RTF1: variants seen among roughly 807,000 people sequenced by gnomAD.
The protein encoded by RTF1 is RNA polymerase-associated protein RTF1 homolog.
In RTF1, 10 loss-of-function variants were observed where a neutral mutation model predicts 95.7. The ratio of observed to expected loss-of-function variants is 0.10; its 90% CI spans 0.06 to 0.18. RTF1 has a LOEUF of 0.18. Ranked by LOEUF, RTF1 falls within the 10% of genes least tolerant of loss-of-function variation. The pLI, the probability that RTF1 is intolerant of heterozygous loss-of-function variation, is 1.00. For missense variants in RTF1, 458 were observed against 875.6 expected, an observed-to-expected ratio of 0.52 and a Z score of 6.02; for synonymous variants, 305 against 311.8, an observed-to-expected ratio of 0.98 and a Z score of 0.23.
intron 1 of RTF1, among the ~76,000 whole-genome samples, chr15:41,418,139 T>A (rs2050581347): frequency 6.6e-6 from 1 of 152,198 alleles, no homozygotes; most frequent in Admixed American, 6.5e-5. Context: ...TTATATACTC[T>A]AGAAAACATT....
Position 41,477,155 on chromosome 15 carries a change from C to T in RTF1, c.1561-10C>T. On this transcript the variant is annotated splice_polypyrimidine_tract_variant and intron_variant, in intron 12 of 17. Coordinates refer to ENST00000389629, the MANE Select transcript of RTF1 (RefSeq NM_015138.5). ...GCCAAGAACGAACTCACACATCTCT[C>T]TATGTGTAGGCCATGGCTGAGGACC... is the stretch of plus-strand genomic sequence containing the variant. 1.2e-6 allele frequency: 2 copies of T among 1,614,152 alleles called. No individual in the cohort carries two copies. Among genetic ancestry groups the T allele is most frequent in the Non-Finnish European group, 1.7e-6 (2 of 1,179,988 alleles).
chr15:41,472,181 C>T, intron 8 of RTF1, among the ~76,000 whole-genome samples: 1 of 146,112 alleles, frequency 6.8e-6, no homozygotes, highest in Non-Finnish European at 1.5e-5. Context: ...AGCCACCGCA[C>T]CTGGCCTATT....
At position 41,440,764 on chromosome 15, in the gene RTF1, G is replaced by C. The variant is rs151331351; in HGVS notation, c.309+2333G>C. The stretch of plus-strand genomic sequence containing the variant: ...TCGGCTTCCCAAAGTGCTGGGATTA[G>C]AGGCGTGAGCCCTGTGCCTGGCCAA... On this transcript the variant is annotated intron_variant, in intron 2 of 17. Coordinates refer to ENST00000389629, the MANE Select transcript of RTF1 (RefSeq NM_015138.5). Among the ~76,000 whole-genome samples, 1,372 of 149,508 alleles carry C rather than the reference G, an allele frequency of 9.2e-3. 10 individuals are homozygous for C. The highest frequency in any genetic ancestry group is 0.014 in the Non-Finnish European group (936 of 67,084).
intron 1 of RTF1, among the ~76,000 whole-genome samples, chr15:41,430,897 G>T (rs915902802): frequency 6.6e-6 from 1 of 151,978 alleles, no homozygotes; most frequent in Non-Finnish European, 1.5e-5. Flanking sequence ...ACTATTGTGG[G>T]TTTTCTTTTC....
intron 1 of RTF1, among the ~76,000 whole-genome samples, chr15:41,421,374 T>TG (rs2140943288): frequency 6.6e-6 from 1 of 152,008 alleles, no homozygotes; most frequent in Non-Finnish European, 1.5e-5. Flanking sequence ...GAGAATCACT[T>TG]GAACCCAGGA....
intron 2 of RTF1, among the ~76,000 whole-genome samples, chr15:41,451,196 G>T (rs2050787996): frequency 6.6e-6 from 1 of 152,044 alleles, no homozygotes; most frequent in African/African-American, 2.4e-5. Flanking sequence ...AAGACTTTGT[G>T]CCTTTGTTGG....
At chr15:41,453,120 G>C (rs1434019794) in intron 3 of RTF1, 72 bp downstream of exon 3, 1 of 1,284,754 alleles carries the variant, frequency 7.8e-7, no homozygotes, top group African/African-American at 1.5e-5. Context: ...AGGCAGAAGT[G>C]GGGAGGAAGG....
rs1326589171 is a variant in RTF1, at chr15:41,481,347, G to A, written c.*660G>A. ...TTAAAATGCAGTACTCTTTGTATCA[G>A]TCTGTCATGGGTCTATAGCTGTTTC... On this transcript the variant is annotated 3_prime_UTR_variant, in exon 18 of 18. Transcript: ENST00000389629. The A allele has an allele frequency of 1.3e-5, 2 of 152,442 alleles. No homozygotes were observed. Among genetic ancestry groups the A allele is most frequent in the Non-Finnish European group, 1.5e-5 (1 of 68,100 alleles). 9.4% of individuals were successfully genotyped at this position (152,442 alleles called of 1,614,324 possible). A position where few individuals can be genotyped will look rare whatever the true frequency, so the allele number is the denominator to read the frequency against.
intron 3 of RTF1, 110 bp from the exon 4 acceptor site, chr15:41,457,562 C>T: frequency 1.1e-6 from 1 of 943,090 alleles, no homozygotes; most frequent in Non-Finnish European, 1.7e-6. Context: ...AAATAACAAA[C>T]TGGTTTCTTA....
intron 8 of RTF1, among the ~76,000 whole-genome samples, chr15:41,473,032 G>A (rs566558801): frequency 6.6e-6 from 1 of 151,998 alleles, no homozygotes; most frequent in Non-Finnish European, 1.5e-5. Context: ...AATTTTTGTA[G>A]CAACAGCCTC....
intron 4 of RTF1, among the ~76,000 whole-genome samples, chr15:41,458,834 G>T (rs2050832078): frequency 6.6e-6 from 1 of 152,012 alleles, no homozygotes; most frequent in Admixed American, 6.6e-5. Context: ...CACTTTGGGA[G>T]GCCAAGGCGG....
chr15:41,436,218 A>AAAGCAGGCG (rs748053587), intron 1 of RTF1, among the ~76,000 whole-genome samples: 2 of 151,232 alleles, frequency 1.3e-5, no homozygotes, highest in Non-Finnish European at 3.0e-5. Flanking sequence ...CTGGGAGGCC[A>AAAGCAGGCG]AAGCAGGCGG....
chr15:41,427,951 T>C (rs2050645082), intron 1 of RTF1, among the ~76,000 whole-genome samples: 1 of 151,896 alleles, frequency 6.6e-6, no homozygotes, highest in Non-Finnish European at 1.5e-5. Flanking sequence ...CACACCTGGC[T>C]AATTTTTGTA....
At chr15:41,447,715 T>C (rs1005523502) in intron 2 of RTF1, among the ~76,000 whole-genome samples, 17 of 152,160 alleles carry the variant, frequency 1.1e-4, no homozygotes, top group African/African-American at 4.1e-4. Context: ...CCCAGATGGT[T>C]TTTGAGCAGT....
rs960298517 is a variant in RTF1 at position 41,480,899 on chromosome 15, C to T, written c.*212C>T. On this transcript the variant is annotated 3_prime_UTR_variant, in exon 18 of 18. Transcript: ENST00000389629. ...ACCAGCCTCCCCTCCCCCAGGGCCC[C>T]ACCCAGTGTGGGCCTGGGCTCTCTT... 1.0e-5 allele frequency: 6 copies of T among 575,442 alleles called. No homozygotes were observed. The highest frequency in any genetic ancestry group is 7.5e-5 in the African/African-American group (4 of 53,416). The allele number at this position is 575,442 out of a possible 1,614,324, so 35.6% of individuals were successfully genotyped here.
At chr15:41,433,225 G>GA (rs1170577582) in intron 1 of RTF1, among the ~76,000 whole-genome samples, 1 of 152,106 alleles carries the variant, frequency 6.6e-6, no homozygotes, top group Non-Finnish European at 1.5e-5. Context: ...TCCAGCCTGG[G>GA]AGACATAGTG....
At chr15:41,421,290 C>G (rs1396187102) in intron 1 of RTF1, among the ~76,000 whole-genome samples, 2 of 151,986 alleles carry the variant, frequency 1.3e-5, no homozygotes, top group Admixed American at 1.3e-4. Context: ...AACCTCGTCT[C>G]TACTAAAAAT....
intron 4 of RTF1, 43 bp from the exon 5 acceptor site, chr15:41,464,728 A>T: frequency 6.8e-7 from 1 of 1,462,280 alleles, no homozygotes; most frequent in Non-Finnish European, 9.3e-7. Context: ...CAGTTTTTAT[A>T]TACATTTCAT....
chr15:41,425,295 C>T (rs146373208), intron 1 of RTF1, among the ~76,000 whole-genome samples: 191 of 151,936 alleles, frequency 1.3e-3, no homozygotes, highest in African/African-American at 4.2e-3. Context: ...TTAGTAGGCA[C>T]GGGTTTCACC....
Sources: allele counts gnomAD v4.1 joint callset (sites outside exome capture counted in the v4.1 genomes callset), GRCh38; gene constraint gnomAD v4.1.1; transcripts MANE v1.5; gene names NCBI Gene and HGNC (gene_info 2026-07-23, HGNC 2026-07-21).